RETREG1: variants seen among roughly 807,000 people sequenced by gnomAD.
RETREG1 encodes family with sequence similarity 134 member B.
In RETREG1, 44 loss-of-function variants were observed where a neutral mutation model predicts 54.8. That is an observed-to-expected ratio of 0.80 (90% CI 0.63 to 1.03). The LOEUF is 1.03. Among genes scored for constraint, RETREG1 ranks in the 50% least tolerant of loss-of-function variants. RETREG1 has a pLI of 0.00. For missense variants in RETREG1, 554 were observed against 605.1 expected (o/e 0.92, Z 0.89); for synonymous variants, 217 against 238.5 (o/e 0.91, Z 0.83).
intron 3 of RETREG1, among the ~76,000 whole-genome samples, chr5:16,537,831 A>G (rs953029432): frequency 1.8e-4 from 28 of 152,140 alleles, no homozygotes; most frequent in African/African-American, 6.8e-4. Flanking sequence ...CTTCACCCAC[A>G]GGCGAACAGT....
chr5:16,548,926 T>C (rs1020828795), intron 3 of RETREG1, among the ~76,000 whole-genome samples: 2 of 152,174 alleles, frequency 1.3e-5, no homozygotes, highest in African/African-American at 4.8e-5. Context: ...CAGACTAAAA[T>C]CAAGAGAATC....
chr5:16,615,412 A>AAAAGAAAGAAAG (rs1236749186), intron 1 of RETREG1, among the ~76,000 whole-genome samples: 30 of 150,110 alleles, frequency 2.0e-4, no homozygotes, highest in African/African-American at 7.5e-4. Context: ...AAAAAAAAAA[A>AAAAGAAAGAAAG]AAAGAAAGAA....
At chr5:16,548,902 T>TA in intron 3 of RETREG1, among the ~76,000 whole-genome samples, 1 of 152,326 alleles carries the variant, frequency 6.6e-6, no homozygotes, top group East Asian at 1.9e-4. Context: ...GGTATTCTGT[T>TA]ACGGCTGCCT....
chr5:16,492,229 TCACACA>T (rs879805653), intron 3 of RETREG1, among the ~76,000 whole-genome samples: 2 of 110,642 alleles, frequency 1.8e-5, no homozygotes, highest in East Asian at 3.0e-4. Flanking sequence ...TCTCTCTCTC[TCACACA>T]CACACACACA....
At chr5:16,568,432 C>T (rs535940396) in intron 2 of RETREG1, among the ~76,000 whole-genome samples, 15 of 152,118 alleles carry the variant, frequency 9.9e-5, no homozygotes, top group South Asian at 8.3e-4. Flanking sequence ...CCACCACGCC[C>T]GGCTAATTTT....
intron 1 of RETREG1, among the ~76,000 whole-genome samples, chr5:16,600,569 G>C (rs541316160): frequency 5.3e-5 from 8 of 152,134 alleles, no homozygotes; most frequent in Admixed American, 3.9e-4. Context: ...CAGAACACTC[G>C]GAGTCAGGCT....
intron 3 of RETREG1, among the ~76,000 whole-genome samples, chr5:16,556,485 T>C (rs1363419889): frequency 6.6e-6 from 1 of 151,878 alleles, no homozygotes; most frequent in Non-Finnish European, 1.5e-5. Context: ...TAATGAAAAA[T>C]GGGTGACTGA....
chr5:16,612,975 A>G (rs1743389740), intron 1 of RETREG1, among the ~76,000 whole-genome samples: 1 of 152,224 alleles, frequency 6.6e-6, no homozygotes, highest in Admixed American at 6.5e-5. Flanking sequence ...TACATTTGTA[A>G]AATTCATCCC....
intron 1 of RETREG1, among the ~76,000 whole-genome samples, chr5:16,592,413 C>A (rs257148): frequency 0.14 from 21,092 of 152,106 alleles, 2,400 homozygotes; most frequent in African/African-American, 0.31. Flanking sequence ...GATGCTGGCA[C>A]GATCGCAGAG....
chr5:16,582,073 TATC>T (rs1202643309), intron 1 of RETREG1, among the ~76,000 whole-genome samples: 1 of 152,216 alleles, frequency 6.6e-6, no homozygotes, highest in Non-Finnish European at 1.5e-5. Context: ...TACATATACA[TATC>T]ATGATAGGTA....
chr5:16,572,404 G>T (rs1742200863), intron 1 of RETREG1, among the ~76,000 whole-genome samples: 1 of 151,998 alleles, frequency 6.6e-6, no homozygotes. Flanking sequence ...GTAGAGACAG[G>T]GTTTCGCCAT....
intron 3 of RETREG1, among the ~76,000 whole-genome samples, chr5:16,486,992 T>C (rs1739045539): frequency 6.6e-6 from 1 of 152,094 alleles, no homozygotes; most frequent in South Asian, 2.1e-4. Context: ...GGAAAACACA[T>C]AACTAGAAAA....
intron 1 of RETREG1, among the ~76,000 whole-genome samples, chr5:16,578,341 AAAT>A (rs1742392630): frequency 6.6e-6 from 1 of 152,270 alleles, no homozygotes; most frequent in African/African-American, 2.4e-5. Flanking sequence ...TTTATAAACA[AAAT>A]AATGTTTTGT....
intron 4 of RETREG1, 141 bp downstream of exon 4, chr5:16,483,205 T>C (rs1738879757): frequency 2.1e-6 from 2 of 953,246 alleles, no homozygotes; most frequent in Non-Finnish European, 1.6e-6. Context: ...TGAACCTTGC[T>C]GATACCAGCT....
intron 3 of RETREG1, among the ~76,000 whole-genome samples, chr5:16,537,848 C>T (rs1162299790): frequency 6.6e-6 from 1 of 152,094 alleles, no homozygotes; most frequent in Non-Finnish European, 1.5e-5. Context: ...CAGTGGCATC[C>T]CTGCCTGGGA....
chr5:16,596,455 C>T (rs1169408348), intron 1 of RETREG1, among the ~76,000 whole-genome samples: 1 of 152,164 alleles, frequency 6.6e-6, no homozygotes, highest in Non-Finnish European at 1.5e-5. Flanking sequence ...AAACTGGCAC[C>T]CATGTAGCAT....
intron 3 of RETREG1, among the ~76,000 whole-genome samples, chr5:16,502,248 A>G (rs1739749400): frequency 1.3e-5 from 2 of 152,082 alleles, no homozygotes; most frequent in Non-Finnish European, 2.9e-5. Flanking sequence ...GTGAGCCACC[A>G]TGCCCAGCCT....
At position 16,483,409 on chromosome 5, in the gene RETREG1, T is replaced by A; in HGVS notation, c.522A>T (p.Ser174=). ...GAAGAAATATGCTGAAATTCATCCA[T>A]GATTCTGCAATACAGTGGCTGAGCC... ...RPRLSHCIAE[S]WMNFSIFLQE... Residue 174 remains serine (S), a synonymous_variant, in exon 4 of 9, where the codon TCA becomes TCT. Transcript: ENST00000306320. 6.2e-7 allele frequency: 1 copy of A among 1,613,328 alleles called. No homozygotes were observed. The highest frequency in any genetic ancestry group is 8.5e-7 in the Non-Finnish European group (1 of 1,179,348).
Position 16,481,001 on chromosome 5 carries a change from A to C in RETREG1, c.670+8T>G. The C allele has an allele frequency of 6.3e-7, 1 of 1,588,472 alleles. No homozygotes were observed. The highest frequency in any genetic ancestry group is 8.6e-7 in the Non-Finnish European group (1 of 1,157,076). On this transcript the variant is annotated splice_region_variant and intron_variant, in intron 5 of 8. Transcript: ENST00000306320. ...ACAACACTTAGCCATATGTTCTACT[A>C]TACTTACACAGTAGATAGCTGAGTA... is the stretch of plus-strand genomic sequence containing the variant.
Sources: gnomAD v4.1 joint callset for allele counts (sites outside exome capture counted in the v4.1 genomes callset) on GRCh38, gnomAD v4.1.1 for gene constraint, MANE v1.5 for transcripts, NCBI Gene and HGNC (gene_info 2026-07-23, HGNC 2026-07-21) for gene names.